CRADD: variants seen among roughly 807,000 people sequenced by gnomAD.
CRADD encodes the protein CARD and death domain containing adaptor protein.
In CRADD, 9 loss-of-function variants were observed where a neutral mutation model predicts 15.5. The ratio of observed to expected loss-of-function variants is 0.58; its 90% CI spans 0.35 to 1.01. The LOEUF (loss-of-function observed/expected upper bound fraction) is 1.01, where lower values mean the gene tolerates loss of function less well. Ranked by LOEUF, CRADD falls within the 50% of genes least tolerant of loss-of-function variation. The pLI is 0.02. For synonymous variants in CRADD, 118 were observed against 107.6 expected, an observed-to-expected ratio of 1.10 and a Z score of -0.60; for missense variants, 227 against 250.3, an observed-to-expected ratio of 0.91 and a Z score of 0.63.
chr12:93,777,144 AAGACAGTGCCAT>A (rs1369795751), intron 2 of CRADD, among the ~76,000 whole-genome samples: 1 of 152,186 alleles, frequency 6.6e-6, no homozygotes, highest in Non-Finnish European at 1.5e-5. Context: ...GTTGGGCAGG[AAGACAGTGCCAT>A]AGCCAGCGAG....
chr12:93,856,941 G>A (rs1012271096), intron 2 of CRADD, among the ~76,000 whole-genome samples: 3 of 152,134 alleles, frequency 2.0e-5, no homozygotes, highest in African/African-American at 7.2e-5. Context: ...TATAAACAAA[G>A]CTTAGAAGAA....
chr12:93,801,442 A>G (rs1957475826), intron 2 of CRADD, among the ~76,000 whole-genome samples: 1 of 152,136 alleles, frequency 6.6e-6, no homozygotes, highest in South Asian at 2.1e-4. Context: ...TGTGTTGCCC[A>G]GGCTGGAGTG....
At chr12:93,844,448 C>T (rs1958088976) in intron 2 of CRADD, among the ~76,000 whole-genome samples, 1 of 152,046 alleles carries the variant, frequency 6.6e-6, no homozygotes, top group African/African-American at 2.4e-5. Context: ...TTTGGAAAGG[C>T]TTGATCTGCT....
chr12:93,764,553 T>C (rs1302631786), intron 2 of CRADD, among the ~76,000 whole-genome samples: 4 of 152,078 alleles, frequency 2.6e-5, no homozygotes, highest in African/African-American at 9.7e-5. Flanking sequence ...TTCAGATACA[T>C]TTCTTCATGC....
intron 2 of CRADD, among the ~76,000 whole-genome samples, chr12:93,888,099 TGAAA>T (rs886214250): frequency 1.1e-4 from 17 of 152,090 alleles, no homozygotes; most frequent in Non-Finnish European, 2.1e-4. Flanking sequence ...TTTGGGGAAC[TGAAA>T]GAGATTCAGT....
chr12:93,793,804 T>C (rs1957379152), intron 2 of CRADD, among the ~76,000 whole-genome samples: 1 of 152,114 alleles, frequency 6.6e-6, no homozygotes, highest in Non-Finnish European at 1.5e-5. Flanking sequence ...TCTTTGAAAA[T>C]AAAAAGTTAA....
At chr12:93,763,178 T>G (rs1052807002) in intron 2 of CRADD, among the ~76,000 whole-genome samples, 3 of 152,214 alleles carry the variant, frequency 2.0e-5, no homozygotes, top group Non-Finnish European at 2.9e-5. Flanking sequence ...AGACAGCAAA[T>G]AGGAGGTAGA....
At chr12:93,726,763 C>T (rs182877772) in intron 2 of CRADD, among the ~76,000 whole-genome samples, 21 of 152,024 alleles carry the variant, frequency 1.4e-4, no homozygotes, top group African/African-American at 4.3e-4. Flanking sequence ...CAAGTGGCAA[C>T]TTTGTGAATT....
intron 2 of CRADD, among the ~76,000 whole-genome samples, chr12:93,792,607 T>C (rs950484043): frequency 3.3e-5 from 5 of 152,212 alleles, no homozygotes; most frequent in African/African-American, 1.2e-4. Context: ...GGAATTGTTG[T>C]AGTGGATATA....
At chr12:93,815,518 A>G (rs1194288295) in intron 2 of CRADD, 17 of 152,212 alleles carry the variant, frequency 1.1e-4, no homozygotes, top group Admixed American at 1.1e-3. Context: ...TTTGTATTAC[A>G]GTTTTCATGT....
chr12:93,700,249 T>C (rs895025242), intron 2 of CRADD, among the ~76,000 whole-genome samples: 1 of 152,194 alleles, frequency 6.6e-6, no homozygotes, highest in Non-Finnish European at 1.5e-5. Flanking sequence ...CCACTTACTT[T>C]AGGCTTTTAT....
At chr12:93,847,462 GAAGTC>G (rs1417965707) in intron 2 of CRADD, among the ~76,000 whole-genome samples, 1 of 116,918 alleles carries the variant, frequency 8.6e-6, no homozygotes, top group African/African-American at 3.2e-5. Context: ...TGACCTGAAA[GAAGTC>G]AAGAGACTAT....
At chr12:93,701,627 A>G (rs1955846057) in intron 2 of CRADD, among the ~76,000 whole-genome samples, 2 of 152,252 alleles carry the variant, frequency 1.3e-5, no homozygotes, top group Admixed American at 6.5e-5. Flanking sequence ...AAGAGTTTCT[A>G]GGAGACCACA....
intron 2 of CRADD, among the ~76,000 whole-genome samples, chr12:93,836,899 A>G (rs942705908): frequency 1.3e-5 from 2 of 152,236 alleles, no homozygotes; most frequent in African/African-American, 2.4e-5. Context: ...AGGCAGCGAC[A>G]GTAAATACAG....
chr12:93,769,151 G>A (rs1278291631), intron 2 of CRADD, among the ~76,000 whole-genome samples: 1 of 151,922 alleles, frequency 6.6e-6, no homozygotes, highest in Non-Finnish European at 1.5e-5. Flanking sequence ...CACAATCTCA[G>A]CTCACTGCAA....
intron 2 of CRADD, among the ~76,000 whole-genome samples, chr12:93,796,179 C>T (rs573983647): frequency 1.3e-5 from 2 of 151,988 alleles, no homozygotes; most frequent in East Asian, 3.9e-4. Context: ...CTTAAGGGAA[C>T]ACTTTATATA....
chr12:93,883,390 T>C (rs931913812), intron 2 of CRADD, among the ~76,000 whole-genome samples: 1 of 152,232 alleles, frequency 6.6e-6, no homozygotes, highest in African/African-American at 2.4e-5. Context: ...ATAAGCTAAA[T>C]ATAAAACTAA....
chr12:93,726,536 A>G (rs1956370595), intron 2 of CRADD, among the ~76,000 whole-genome samples: 1 of 152,200 alleles, frequency 6.6e-6, no homozygotes, highest in Admixed American at 6.5e-5. Flanking sequence ...TTTTTACATT[A>G]GAGAAGGAAG....
At chr12:93,736,080 C>G (rs1392111415) in intron 2 of CRADD, among the ~76,000 whole-genome samples, 1 of 152,080 alleles carries the variant, frequency 6.6e-6, no homozygotes, top group Non-Finnish European at 1.5e-5. Flanking sequence ...TAGCAAGCAC[C>G]AGGCACATCT....
Sources: allele counts gnomAD v4.1 joint callset (sites outside exome capture counted in the v4.1 genomes callset), GRCh38; gene constraint gnomAD v4.1.1; transcripts MANE v1.5; gene names NCBI Gene and HGNC (gene_info 2026-07-23, HGNC 2026-07-21).